The following ADAMTS12 variants were observed in gnomAD, a reference collection of about 807,000 sequenced individuals.
The protein encoded by ADAMTS12 is A disintegrin and metalloproteinase with thrombospondin motifs 12.
In ADAMTS12, 118 loss-of-function variants were observed where a neutral mutation model predicts 167.8. The ratio of observed to expected loss-of-function variants is 0.70; its 90% CI spans 0.61 to 0.82. ADAMTS12 has a LOEUF of 0.82. Among genes scored for constraint, ADAMTS12 ranks in the 40% least tolerant of loss-of-function variants. The probability of loss-of-function intolerance (pLI) is 0.00; values close to 1 mark genes in which losing one functional copy is unlikely to be tolerated. For synonymous variants in ADAMTS12, 704 were observed against 716.9 expected (o/e 0.98, Z 0.29); for missense variants, 1,916 against 1,998.8 (o/e 0.96, Z 0.79).
chr5:33,533,273 A>T (rs1259351645), intron 23 of ADAMTS12, among the ~76,000 whole-genome samples: 1 of 152,250 alleles, frequency 6.6e-6, no homozygotes, highest in Non-Finnish European at 1.5e-5. Context: ...TGCTTCAGTT[A>T]TATAAAAAAT....
chr5:33,729,908 T>A (rs1744120097), intron 3 of ADAMTS12, among the ~76,000 whole-genome samples: 1 of 152,240 alleles, frequency 6.6e-6, no homozygotes, highest in African/African-American at 2.4e-5. Flanking sequence ...ATACACAGCA[T>A]GTGGCTTTCC....
At chr5:33,713,914 G>T (rs1307973546) in intron 3 of ADAMTS12, among the ~76,000 whole-genome samples, 1 of 152,146 alleles carries the variant, frequency 6.6e-6, no homozygotes, top group East Asian at 1.9e-4. Flanking sequence ...TTCAGAGTAA[G>T]AGTCTTAAAG....
At chr5:33,691,497 TC>T (rs945327150) in intron 3 of ADAMTS12, among the ~76,000 whole-genome samples, 1 of 152,234 alleles carries the variant, frequency 6.6e-6, no homozygotes, top group African/African-American at 2.4e-5. Flanking sequence ...TGGAATGCTT[TC>T]TTTTTAGGGT....
At chr5:33,598,665 G>A (rs1162847506) in intron 16 of ADAMTS12, among the ~76,000 whole-genome samples, 1 of 152,220 alleles carries the variant, frequency 6.6e-6, no homozygotes, top group Non-Finnish European at 1.5e-5. Flanking sequence ...GGTTAACCTA[G>A]AAAATGGTTT....
rs527543856 is a variant in ADAMTS12, at chr5:33,821,704, AT to A, written c.489+59414del. Among the ~76,000 whole-genome samples the A allele has an allele frequency of 1.1e-4, 16 of 152,312 alleles. No individual in the cohort carries two copies. The South Asian group carries it at 1.2e-3, about 12-fold the overall frequency. On this transcript the variant is annotated intron_variant, in intron 2 of 23. Transcript: ENST00000504830. ...TACTTACAATTTTAAATTTAAAAAA[AT>A]CATTCCTGTTGCTTAGCTACTCCAA...
intron 17 of ADAMTS12, 82 bp from the exon 18 acceptor site, chr5:33,588,891 A>T: frequency 6.5e-7 from 1 of 1,529,586 alleles, no homozygotes; most frequent in Non-Finnish European, 8.8e-7. Flanking sequence ...GCAGGGGCAG[A>T]AATGCAGATC....
intron 3 of ADAMTS12, among the ~76,000 whole-genome samples, chr5:33,699,028 G>A (rs1387690438): frequency 2.0e-5 from 3 of 152,092 alleles, no homozygotes; most frequent in Non-Finnish European, 4.4e-5. Context: ...GTGGTGGTGG[G>A]CACCTGTAAT....
chr5:33,767,464 T>C (rs1347548549), intron 2 of ADAMTS12, among the ~76,000 whole-genome samples: 1 of 152,220 alleles, frequency 6.6e-6, no homozygotes, highest in Non-Finnish European at 1.5e-5. Context: ...AATCTCTATA[T>C]TAGCTGTGTT....
intron 3 of ADAMTS12, among the ~76,000 whole-genome samples, chr5:33,686,922 A>AATATATATATAT (rs369832766): frequency 7.2e-6 from 1 of 138,220 alleles, no homozygotes; most frequent in African/African-American, 2.7e-5. Context: ...ATAGGCACTG[A>AATATATATATAT]ATATATATAT....
chr5:33,852,026 A>G (rs1749237271), intron 2 of ADAMTS12, among the ~76,000 whole-genome samples: 1 of 152,264 alleles, frequency 6.6e-6, no homozygotes, highest in African/African-American at 2.4e-5. Flanking sequence ...AAAAGATAAG[A>G]GACCACTGAC....
intron 3 of ADAMTS12, among the ~76,000 whole-genome samples, chr5:33,711,651 T>C (rs1308672881): frequency 2.0e-5 from 3 of 152,084 alleles, no homozygotes; most frequent in Non-Finnish European, 4.4e-5. Flanking sequence ...GTACAATCAA[T>C]GTTAATAAAT....
chr5:33,542,568 C>T (rs1455838494), intron 22 of ADAMTS12, among the ~76,000 whole-genome samples: 1 of 152,224 alleles, frequency 6.6e-6, no homozygotes, highest in Non-Finnish European at 1.5e-5. Flanking sequence ...ACATTCTTCT[C>T]AGCACCACAT....
At position 33,530,290 on chromosome 5, in the gene ADAMTS12, CA is replaced by C. The variant is rs145120523; in HGVS notation, c.4607-2925del. ...AACTTCAGAGAGTACATGTTTTGAC[CA>C]AGCATGTCTCTTGTGGAATATCCCT... On this transcript the variant is annotated intron_variant, in intron 23 of 23. Coordinates refer to ENST00000504830, the MANE Select transcript of ADAMTS12 (RefSeq NM_030955.4). Among the ~76,000 whole-genome samples the C allele has an allele frequency of 3.6e-3, 541 of 152,262 alleles. 5 individuals carry two copies. The highest frequency in any genetic ancestry group is 0.013 in the African/African-American group (529 of 41,536).
intron 3 of ADAMTS12, among the ~76,000 whole-genome samples, chr5:33,719,763 G>A (rs908105372): frequency 6.6e-6 from 1 of 152,202 alleles, no homozygotes; most frequent in East Asian, 1.9e-4. Flanking sequence ...AGGAAGCATG[G>A]AAAACAGCAA....
At chr5:33,528,477 G>T (rs1250061474) in intron 23 of ADAMTS12, among the ~76,000 whole-genome samples, 2 of 152,234 alleles carry the variant, frequency 1.3e-5, no homozygotes. Flanking sequence ...GAGTGTCGGG[G>T]TGCTTTGCTA....
chr5:33,745,398 T>G (rs1233327584), intron 3 of ADAMTS12, among the ~76,000 whole-genome samples: 1 of 152,198 alleles, frequency 6.6e-6, no homozygotes, highest in Non-Finnish European at 1.5e-5. Flanking sequence ...ATTTATTTAG[T>G]ATTAAGACTT....
intron 3 of ADAMTS12, among the ~76,000 whole-genome samples, chr5:33,720,477 A>G (rs1743771885): frequency 6.6e-6 from 1 of 152,202 alleles, no homozygotes; most frequent in Non-Finnish European, 1.5e-5. Flanking sequence ...AAATAGAAAG[A>G]CCAGAACCAA....
chr5:33,622,601 T>C (rs768311552), intron 14 of ADAMTS12, among the ~76,000 whole-genome samples: 85 of 152,176 alleles, frequency 5.6e-4, no homozygotes, highest in Non-Finnish European at 1.1e-3. Flanking sequence ...TGCAGTGAGC[T>C]GAGATTGCAG....
At chr5:33,539,608 C>T (rs553411947) in intron 22 of ADAMTS12, among the ~76,000 whole-genome samples, 14 of 152,176 alleles carry the variant, frequency 9.2e-5, no homozygotes, top group South Asian at 8.3e-4. Context: ...CCACAGCAGC[C>T]GTGGGTCAAC....
Sources: allele counts gnomAD v4.1 joint callset (sites outside exome capture counted in the v4.1 genomes callset), GRCh38; gene constraint gnomAD v4.1.1; transcripts MANE v1.5; gene names NCBI Gene and HGNC (gene_info 2026-07-23, HGNC 2026-07-21).